The following FTO variants were observed in gnomAD, a reference collection of about 807,000 sequenced individuals.
The protein encoded by FTO is FTO alpha-ketoglutarate dependent dioxygenase.
A neutral mutation model predicts 63.9 loss-of-function variants in FTO; 47 were observed. The ratio of observed to expected loss-of-function variants is 0.74; its 90% CI spans 0.58 to 0.94. FTO has a LOEUF of 0.94. Ranked by LOEUF, FTO falls within the 40% of genes least tolerant of loss-of-function variation. The probability of loss-of-function intolerance (pLI) is 0.00; values close to 1 mark genes in which losing one functional copy is unlikely to be tolerated. For synonymous variants in FTO, 207 were observed against 224.4 expected (o/e 0.92, Z 0.69); for missense variants, 562 against 618.1 (o/e 0.91, Z 0.96).
At chr16:53,796,291 G>T (rs538784297) in intron 1 of FTO, among the ~76,000 whole-genome samples, 2 of 152,066 alleles carry the variant, frequency 1.3e-5, no homozygotes, top group Non-Finnish European at 2.9e-5. Flanking sequence ...TGATCGGCCC[G>T]CATTGGCCTC....
intron 4 of FTO, among the ~76,000 whole-genome samples, chr16:53,862,680 C>G (rs937129640): frequency 6.6e-6 from 1 of 151,524 alleles, no homozygotes; most frequent in African/African-American, 2.4e-5. Flanking sequence ...GGATTACAGG[C>G]GCCTGCCACC....
Position 54,119,754 on chromosome 16 carries a change from G to C in FTO, c.*7839G>C, listed in dbSNP as rs1362235581. ...GAATGCATTCAAAGCTAAACTATTGGATCATTTAAGGGCTGCAGTGATTGT... is the reference window on the plus strand; with the variant it reads ...GAATGCATTCAAAGCTAAACTATTGCATCATTTAAGGGCTGCAGTGATTGT... On this transcript the variant is annotated 3_prime_UTR_variant, in exon 9 of 9. Transcript: ENST00000471389. 2 of 152,118 alleles carry C rather than the reference G, an allele frequency of 1.3e-5. No homozygotes were observed. The highest frequency in any genetic ancestry group is 4.8e-5 in the African/African-American group (2 of 41,420). The allele number at this position is 152,118 out of a possible 1,614,324, so 9.4% of individuals were successfully genotyped here.
rs2086903805 is a variant in FTO at position 54,112,055 on chromosome 16, G to T, written c.*140G>T. On this transcript the variant is annotated 3_prime_UTR_variant, in exon 9 of 9. Transcript: ENST00000471389. Reference sequence around the variant, plus strand: ...CCGGGTCCCAATCCAAAACAGCTAGGAAATGGTGCCCATGAAGTTTTAAAT... The same window carrying T: ...CCGGGTCCCAATCCAAAACAGCTAGTAAATGGTGCCCATGAAGTTTTAAAT... 3.5e-6 allele frequency: 3 copies of T among 853,768 alleles called. No homozygotes were observed. Among genetic ancestry groups the T allele is most frequent in the Non-Finnish European group, 5.9e-6 (3 of 510,864 alleles). 52.9% of individuals were successfully genotyped at this position (853,768 alleles called of 1,614,324 possible). A position where few individuals can be genotyped will look rare whatever the true frequency, so the allele number is the denominator to read the frequency against.
intron 2 of FTO, among the ~76,000 whole-genome samples, chr16:53,823,210 A>G (rs2151766901): frequency 6.6e-6 from 1 of 152,096 alleles, no homozygotes; most frequent in South Asian, 2.1e-4. Flanking sequence ...TCTTCATCTC[A>G]CTTGGCCTCT....
chr16:53,907,465 C>T (rs527278348), intron 7 of FTO, among the ~76,000 whole-genome samples: 2 of 152,310 alleles, frequency 1.3e-5, no homozygotes, highest in East Asian at 3.9e-4. Context: ...GAGTATGGGA[C>T]TGTGTGTCGC....
intron 8 of FTO, among the ~76,000 whole-genome samples, chr16:53,963,108 T>C (rs1047231136): frequency 1.3e-5 from 2 of 152,224 alleles, no homozygotes; most frequent in Non-Finnish European, 2.9e-5. Flanking sequence ...CATTAACTTG[T>C]TCCCAGCGGT....
At chr16:53,871,283 A>G (rs530297301) in intron 4 of FTO, among the ~76,000 whole-genome samples, 1 of 152,218 alleles carries the variant, frequency 6.6e-6, no homozygotes, top group South Asian at 2.1e-4. Flanking sequence ...TTCAAATTAA[A>G]TTTTCATTAA....
At chr16:54,061,120 T>C (rs1320235274) in intron 8 of FTO, among the ~76,000 whole-genome samples, 1 of 152,148 alleles carries the variant, frequency 6.6e-6, no homozygotes, top group African/African-American at 2.4e-5. Context: ...CCAGCCTGGG[T>C]GGGGTGTTAT....
At chr16:53,950,155 T>TAAAAAAAAAAAAAAAAAAAAAAAACAAA (rs2082744821) in intron 8 of FTO, among the ~76,000 whole-genome samples, 1 of 50,604 alleles carries the variant, frequency 2.0e-5, no homozygotes, top group Non-Finnish European at 4.4e-5. Context: ...TTCACATTTG[T>TAAAAAAAAAAAAAAAAAAAAAAAACAAA]AAAAAAAAAA....
At chr16:54,034,272 GT>G (rs2084894641) in intron 8 of FTO, among the ~76,000 whole-genome samples, 1 of 152,134 alleles carries the variant, frequency 6.6e-6, no homozygotes, top group Non-Finnish European at 1.5e-5. Flanking sequence ...CTCAACAGCA[GT>G]TTTCTAATAA....
chr16:53,987,361 A>G (rs1483275733), intron 8 of FTO, among the ~76,000 whole-genome samples: 1 of 152,068 alleles, frequency 6.6e-6, no homozygotes, highest in Non-Finnish European at 1.5e-5. Flanking sequence ...CAGGTGGATC[A>G]CCTGAGGTCA....
At chr16:54,021,256 A>T (rs1476334980) in intron 8 of FTO, among the ~76,000 whole-genome samples, 1 of 152,120 alleles carries the variant, frequency 6.6e-6, no homozygotes, top group Non-Finnish European at 1.5e-5. Context: ...ACAATAGGTG[A>T]TGGGGAGAAA....
chr16:54,021,181 C>A (rs1258399196), intron 8 of FTO, among the ~76,000 whole-genome samples: 1 of 152,144 alleles, frequency 6.6e-6, no homozygotes, highest in African/African-American at 2.4e-5. Flanking sequence ...GCTTCTTCCA[C>A]TCTCCTCTTT....
At chr16:54,106,346 G>A (rs1188419894) in intron 8 of FTO, among the ~76,000 whole-genome samples, 1 of 151,646 alleles carries the variant, frequency 6.6e-6, no homozygotes, top group Admixed American at 6.6e-5. Context: ...GGTCATTCAG[G>A]GAGAACCACT....
At chr16:53,871,220 G>A (rs2080482737) in intron 4 of FTO, among the ~76,000 whole-genome samples, 1 of 152,002 alleles carries the variant, frequency 6.6e-6, no homozygotes, top group African/African-American at 2.4e-5. Context: ...GTGAATTTTG[G>A]CCATTGTTTC....
chr16:53,774,954 A>G (rs2077429023), intron 1 of FTO, among the ~76,000 whole-genome samples: 1 of 152,178 alleles, frequency 6.6e-6, no homozygotes, highest in Non-Finnish European at 1.5e-5. Flanking sequence ...TTGCCTGCAG[A>G]AAAAGTTGAA....
At chr16:53,947,659 A>G (rs2082682351) in intron 8 of FTO, among the ~76,000 whole-genome samples, 1 of 152,240 alleles carries the variant, frequency 6.6e-6, no homozygotes, top group African/African-American at 2.4e-5. Context: ...ATAAATTAAC[A>G]GGTTATCTTA....
rs190259751 is a variant in FTO at position 53,933,092 on chromosome 16, A to C, written c.1240-893A>C. On this transcript the variant is annotated intron_variant, in intron 7 of 8. Coordinates refer to ENST00000471389, the MANE Select transcript of FTO (RefSeq NM_001080432.3). ...ACAAATGTTCACTACTCCTCTTCTC[A>C]AGGTTGTCATGAAGATATTAAATAT... Among the ~76,000 whole-genome samples the C allele has an allele frequency of 2.0e-5, 3 of 152,354 alleles. No individual in the cohort carries two copies. The East Asian group carries it at 5.8e-4, about 29-fold the overall frequency.
At chr16:53,863,160 A>G (rs1487353281) in intron 4 of FTO, among the ~76,000 whole-genome samples, 3 of 152,194 alleles carry the variant, frequency 2.0e-5, no homozygotes, top group Non-Finnish European at 4.4e-5. Context: ...TTCTTGAATC[A>G]AGTGTCTTCT....
Sources: allele counts gnomAD v4.1 joint callset (sites outside exome capture counted in the v4.1 genomes callset), GRCh38; gene constraint gnomAD v4.1.1; transcripts MANE v1.5; gene names NCBI Gene and HGNC (gene_info 2026-07-23, HGNC 2026-07-21).